The following NEDD4 variants were observed in gnomAD, a reference collection of about 807,000 sequenced individuals.
NEDD4 encodes the protein E3 ubiquitin-protein ligase NEDD4.
NEDD4 carries 99 observed loss-of-function variants against 144.9 expected under a neutral mutation model. The ratio of observed to expected loss-of-function variants is 0.68; its 90% confidence interval spans 0.58 to 0.81. The LOEUF (loss-of-function observed/expected upper bound fraction) is 0.81. Among genes scored for constraint, NEDD4 ranks in the 30% least tolerant of loss-of-function variants. NEDD4 has a pLI of 0.00. For missense variants in NEDD4, 985 were observed against 1,065.9 expected (o/e 0.92, Z 1.06); for synonymous variants, 318 against 350.6 (o/e 0.91, Z 1.04).
intron 27 of NEDD4, among the ~76,000 whole-genome samples, 167 bp downstream of exon 27, chr15:55,832,841 A>C (rs1377502522): frequency 6.6e-6 from 1 of 152,220 alleles, no homozygotes; most frequent in Non-Finnish European, 1.5e-5. Flanking sequence ...AGGTGTAAAT[A>C]TATTTTAGCC....
At chr15:55,937,123 T>TG (rs1333064658) in intron 4 of NEDD4, among the ~76,000 whole-genome samples, 8 of 152,192 alleles carry the variant, frequency 5.3e-5, no homozygotes, top group African/African-American at 1.9e-4. Flanking sequence ...AACTTCAACT[T>TG]GGAGTTTCCC....
intron 19 of NEDD4, 147 bp downstream of exon 19, chr15:55,841,787 G>A: frequency 1.5e-6 from 1 of 646,354 alleles, no homozygotes; most frequent in East Asian, 2.8e-5. Flanking sequence ...TAGCTAGGAT[G>A]GTCTCGATAT....
chr15:55,981,695 G>C (rs1399361528), intron 1 of NEDD4, among the ~76,000 whole-genome samples: 2 of 152,130 alleles, frequency 1.3e-5, no homozygotes, highest in Admixed American at 6.5e-5. Context: ...GGATTCCATG[G>C]ACTAGCAGTA....
chr15:55,841,716 C>A (rs189422145), intron 19 of NEDD4, among the ~76,000 whole-genome samples: 1 of 152,012 alleles, frequency 6.6e-6, no homozygotes. Flanking sequence ...GGACTACAGG[C>A]GCCCGCCACC....
chr15:55,967,073 G>A (rs568804060), intron 1 of NEDD4, among the ~76,000 whole-genome samples: 2 of 148,112 alleles, frequency 1.4e-5, no homozygotes, highest in East Asian at 4.4e-4. Context: ...TTTTAGTAGA[G>A]ACAGGGTTTC....
intron 1 of NEDD4, among the ~76,000 whole-genome samples, chr15:55,984,793 T>C (rs989639905): frequency 2.0e-5 from 3 of 152,218 alleles, no homozygotes; most frequent in African/African-American, 4.8e-5. Flanking sequence ...TTTGATACTA[T>C]TGGCAAGGAG....
chr15:55,945,003 G>A (rs183329812), intron 4 of NEDD4, among the ~76,000 whole-genome samples: 1 of 152,220 alleles, frequency 6.6e-6, no homozygotes, highest in East Asian at 1.9e-4. Flanking sequence ...AACCCCATCT[G>A]TATGTCACGA....
intron 4 of NEDD4, among the ~76,000 whole-genome samples, chr15:55,927,294 G>T (rs187604694): frequency 1.3e-5 from 2 of 151,858 alleles, no homozygotes; most frequent in Non-Finnish European, 2.9e-5. Context: ...CTAAGGAAAT[G>T]AGACAGACAA....
At chr15:55,955,368 T>C (rs1278727136) in intron 2 of NEDD4, among the ~76,000 whole-genome samples, 1 of 152,158 alleles carries the variant, frequency 6.6e-6, no homozygotes, top group Non-Finnish European at 1.5e-5. Context: ...CATACATTAA[T>C]GTTAACTTTA....
At position 55,869,533 on chromosome 15, in the gene NEDD4, G is replaced by A. The variant is rs1387740039; in HGVS notation, c.507+46C>T. 4.4e-6 allele frequency: 5 copies of A among 1,137,356 alleles called. No homozygotes were observed. The African/African-American group carries it at 6.3e-5, about 14-fold the overall frequency. 70.5% of individuals were successfully genotyped at this position (1,137,356 alleles called of 1,614,324 possible). ...TGTTCTTCAGAGTACAGTAAAATAA[G>A]AAATTAAAATTTTTTTAGTTTAACC... On this transcript the variant is annotated intron_variant, in intron 8 of 28. Transcript: ENST00000435532.
chr15:55,961,321 A>C (rs1781660725), intron 2 of NEDD4, among the ~76,000 whole-genome samples: 1 of 152,202 alleles, frequency 6.6e-6, no homozygotes, highest in African/African-American at 2.4e-5. Context: ...ATTAGAAAAA[A>C]TTAGAAAAAA....
At chr15:55,879,941 T>TA (rs1219536133) in intron 5 of NEDD4, among the ~76,000 whole-genome samples, 1 of 151,894 alleles carries the variant, frequency 6.6e-6, no homozygotes, top group Non-Finnish European at 1.5e-5. Context: ...GGGAGGACAT[T>TA]ATCAAAAAAG....
chr15:55,904,673 A>G (rs1215068332), intron 5 of NEDD4, among the ~76,000 whole-genome samples: 8 of 152,304 alleles, frequency 5.3e-5, no homozygotes, highest in Admixed American at 2.0e-4. Flanking sequence ...TTGCACTTCA[A>G]TGTATTACCA....
chr15:55,866,878 C>G (rs1308196504), intron 8 of NEDD4, among the ~76,000 whole-genome samples: 2 of 152,182 alleles, frequency 1.3e-5, no homozygotes, highest in Non-Finnish European at 2.9e-5. Context: ...AAATATGTAT[C>G]AGCTGCTATT....
rs1333181571 is a variant in NEDD4, at chr15:55,848,512, T to G, written c.1483+9A>C. 5 of 1,613,250 alleles carry G rather than the reference T, an allele frequency of 3.1e-6. No individual in the cohort carries two copies. The African/African-American group carries it at 6.7e-5, about 22-fold the overall frequency. On this transcript the variant is annotated intron_variant, in intron 16 of 28. Coordinates refer to ENST00000435532, the MANE Select transcript of NEDD4 (RefSeq NM_006154.4). ...AAAATAACATAATGAAAAATCGCAC[T>G]GCACATACTGTGATTTATGTAGAAG...
chr15:55,957,685 C>T (rs144700623), intron 2 of NEDD4, among the ~76,000 whole-genome samples: 2,923 of 152,242 alleles, frequency 0.019, 102 homozygotes, highest in African/African-American at 0.067. Context: ...ATGTTTATTA[C>T]GGCACTATTC....
chr15:55,899,454 A>C (rs142909749), intron 5 of NEDD4, among the ~76,000 whole-genome samples: 8 of 152,190 alleles, frequency 5.3e-5, no homozygotes, highest in Non-Finnish European at 1.0e-4. Flanking sequence ...AGACTATAAC[A>C]TATCAATGAA....
At chr15:55,973,657 A>AAC (rs1180950984) in intron 1 of NEDD4, among the ~76,000 whole-genome samples, 42 of 152,330 alleles carry the variant, frequency 2.8e-4, no homozygotes, top group Admixed American at 2.6e-3. Context: ...ATGGAAATTA[A>AAC]ACAGTATGCT....
At chr15:55,895,395 A>C (rs2035707123) in intron 5 of NEDD4, among the ~76,000 whole-genome samples, 1 of 152,226 alleles carries the variant, frequency 6.6e-6, no homozygotes, top group African/African-American at 2.4e-5. Context: ...GAAACCAAGG[A>C]GCTGAGCTGT....
Sources: allele counts gnomAD v4.1 joint callset (sites outside exome capture counted in the v4.1 genomes callset), GRCh38; gene constraint gnomAD v4.1.1; transcripts MANE v1.5; gene names NCBI Gene and HGNC (gene_info 2026-07-23, HGNC 2026-07-21).